The following UNC5D variants were observed in gnomAD, a reference collection of about 807,000 sequenced individuals.
UNC5D encodes the protein netrin receptor UNC5D.
UNC5D carries 39 observed loss-of-function variants against 105.4 expected under a neutral mutation model. That is an observed-to-expected ratio of 0.37 (90% confidence interval 0.29 to 0.48). UNC5D has a LOEUF of 0.48. Ranked by LOEUF, UNC5D falls within the 20% of genes least tolerant of loss-of-function variation. The probability of loss-of-function intolerance (pLI) is 0.98; values close to 1 mark genes in which losing one functional copy is unlikely to be tolerated. For missense variants in UNC5D, 991 were observed against 1,202.4 expected, an observed-to-expected ratio of 0.82 and a Z score of 2.60; for synonymous variants, 452 against 450.4, an observed-to-expected ratio of 1.00 and a Z score of -0.04.
At chr8:35,422,608 T>C (rs948368210) in intron 1 of UNC5D, among the ~76,000 whole-genome samples, 1 of 152,238 alleles carries the variant, frequency 6.6e-6, no homozygotes, top group African/African-American at 2.4e-5. Flanking sequence ...ACACAGATAA[T>C]TATTTTTTCA....
At chr8:35,271,737 ATATATTTATACATGTATACATG>A (rs1563268459) in intron 1 of UNC5D, among the ~76,000 whole-genome samples, 5 of 126,258 alleles carry the variant, frequency 4.0e-5, no homozygotes, top group South Asian at 2.3e-4. Context: ...ATGTATACAT[ATATATTTATACATGTATACATG>A]TATACATATA....
intron 8 of UNC5D, among the ~76,000 whole-genome samples, chr8:35,718,364 A>G (rs1828375846): frequency 6.6e-6 from 1 of 152,260 alleles, no homozygotes; most frequent in African/African-American, 2.4e-5. Flanking sequence ...CAAACCAGCC[A>G]CACTGTACTT....
At chr8:35,483,045 CA>C (rs1810590686) in intron 1 of UNC5D, among the ~76,000 whole-genome samples, 1 of 151,922 alleles carries the variant, frequency 6.6e-6, no homozygotes, top group South Asian at 2.1e-4. Context: ...TCAGGTGCTC[CA>C]CCTGCCTGGG....
rs138443748 is a variant in UNC5D, at chr8:35,525,726, C to G, written c.104-23566C>G. On this transcript the variant is annotated intron_variant, in intron 1 of 16. Coordinates refer to ENST00000404895, the MANE Select transcript of UNC5D (RefSeq NM_080872.4). Reference sequence around the variant, plus strand: ...CTGGCACGTCCGGCACGACACCTGGCTCCCAACGCTGAAGTACTCGCCCGG... The same window carrying G: ...CTGGCACGTCCGGCACGACACCTGGGTCCCAACGCTGAAGTACTCGCCCGG... 6.2e-3 allele frequency: 9,844 copies of G among 1,586,012 alleles called. 43 individuals carry two copies. The highest frequency in any genetic ancestry group is 7.6e-3 in the Non-Finnish European group (8,813 of 1,166,548).
chr8:35,384,056 A>G (rs1216415060), intron 1 of UNC5D, among the ~76,000 whole-genome samples: 1 of 152,078 alleles, frequency 6.6e-6, no homozygotes, highest in Admixed American at 6.5e-5. Flanking sequence ...TGTACTAAAA[A>G]TACAAAAAAA....
At chr8:35,689,190 GACTT>G (rs1220272137) in intron 7 of UNC5D, among the ~76,000 whole-genome samples, 1 of 152,204 alleles carries the variant, frequency 6.6e-6, no homozygotes, top group Non-Finnish European at 1.5e-5. Flanking sequence ...AATTGACTAA[GACTT>G]AATCTGAGAA....
intron 1 of UNC5D, among the ~76,000 whole-genome samples, chr8:35,421,756 A>C (rs1805921312): frequency 1.3e-5 from 2 of 152,220 alleles, no homozygotes; most frequent in Admixed American, 1.3e-4. Flanking sequence ...AAATAGGAAT[A>C]GTAAACCCAA....
At chr8:35,246,567 T>C (rs1803114396) in intron 1 of UNC5D, among the ~76,000 whole-genome samples, 1 of 152,152 alleles carries the variant, frequency 6.6e-6, no homozygotes, top group Non-Finnish European at 1.5e-5. Context: ...CCCCTCTTGC[T>C]AGATTGACTT....
intron 1 of UNC5D, among the ~76,000 whole-genome samples, chr8:35,449,077 A>G (rs931808013): frequency 2.6e-5 from 4 of 152,198 alleles, no homozygotes; most frequent in Admixed American, 2.6e-4. Flanking sequence ...AACATTTTAT[A>G]AAATCCAGTC....
chr8:35,387,911 T>G (rs192578172), intron 1 of UNC5D, among the ~76,000 whole-genome samples: 7 of 152,328 alleles, frequency 4.6e-5, no homozygotes, highest in Admixed American at 3.3e-4. Flanking sequence ...ACTATCTGCT[T>G]CTTTTCTGAA....
intron 1 of UNC5D, among the ~76,000 whole-genome samples, chr8:35,392,171 C>A (rs1803817879): frequency 6.6e-6 from 1 of 152,144 alleles, no homozygotes; most frequent in South Asian, 2.1e-4. Context: ...GATTTCTCAG[C>A]TTTTAGAGGT....
At chr8:35,386,923 G>A (rs770453921) in intron 1 of UNC5D, among the ~76,000 whole-genome samples, 37 of 151,964 alleles carry the variant, frequency 2.4e-4, no homozygotes, top group Non-Finnish European at 4.9e-4. Flanking sequence ...TGATGAGGGG[G>A]AGTTAAAGAT....
intron 2 of UNC5D, among the ~76,000 whole-genome samples, chr8:35,553,368 G>A (rs1350456866): frequency 8.9e-5 from 13 of 146,734 alleles, no homozygotes; most frequent in African/African-American, 5.0e-5. Flanking sequence ...AAAAAAAAAA[G>A]AAAGCCAATA....
intron 1 of UNC5D, among the ~76,000 whole-genome samples, chr8:35,312,483 A>T (rs554286203): frequency 6.6e-6 from 1 of 152,306 alleles, no homozygotes; most frequent in African/African-American, 2.4e-5. Flanking sequence ...CCACATTTCA[A>T]GTTGGAGAAG....
intron 1 of UNC5D, among the ~76,000 whole-genome samples, chr8:35,468,363 T>C (rs954535659): frequency 3.3e-5 from 5 of 152,298 alleles, no homozygotes; most frequent in African/African-American, 1.2e-4. Flanking sequence ...CATCCTTCAC[T>C]TTGGGTAAAA....
intron 11 of UNC5D, among the ~76,000 whole-genome samples, chr8:35,734,077 A>G (rs1345335552): frequency 6.6e-6 from 1 of 152,132 alleles, no homozygotes; most frequent in Non-Finnish European, 1.5e-5. Context: ...TGCCACAGGC[A>G]AAGAGTTGGT....
At chr8:35,690,827 T>A (rs1826343058) in intron 7 of UNC5D, among the ~76,000 whole-genome samples, 1 of 152,222 alleles carries the variant, frequency 6.6e-6, no homozygotes, top group African/African-American at 2.4e-5. Context: ...TATGGAGCAG[T>A]AGCTTTGTTG....
At chr8:35,710,571 C>T (rs944609921) in intron 8 of UNC5D, among the ~76,000 whole-genome samples, 8 of 151,908 alleles carry the variant, frequency 5.3e-5, no homozygotes, top group African/African-American at 9.7e-5. Context: ...GTCAGTGTCC[C>T]GATGATATTT....
At chr8:35,434,827 GT>G (rs1161641415) in intron 1 of UNC5D, among the ~76,000 whole-genome samples, 1 of 152,140 alleles carries the variant, frequency 6.6e-6, no homozygotes, top group African/African-American at 2.4e-5. Flanking sequence ...TACAGTTTAT[GT>G]AGTAAGCATA....
Sources: gnomAD v4.1 joint callset for allele counts (sites outside exome capture counted in the v4.1 genomes callset) on GRCh38, gnomAD v4.1.1 for gene constraint, MANE v1.5 for transcripts, NCBI Gene and HGNC (gene_info 2026-07-23, HGNC 2026-07-21) for gene names.